The following CELF2 variants were observed in gnomAD, a reference collection of about 807,000 sequenced individuals.
The protein encoded by CELF2 is CUGBP Elav-like family member 2.
A neutral mutation model predicts 62.6 loss-of-function variants in CELF2; 8 were observed. The ratio of observed to expected loss-of-function variants is 0.13; its 90% CI spans 0.07 to 0.23. The LOEUF (loss-of-function observed/expected upper bound fraction) is 0.23. Among genes scored for constraint, CELF2 ranks in the 10% least tolerant of loss-of-function variants. CELF2 has a pLI of 1.00. For missense variants in CELF2, 333 were observed against 671.0 expected (o/e 0.50, Z 5.56); for synonymous variants, 258 against 250.0 (o/e 1.03, Z -0.30).
upstream of CELF2, among the ~76,000 whole-genome samples, chr10:11,015,891 C>A (rs535535933): frequency 6.6e-6 from 1 of 152,094 alleles, no homozygotes; most frequent in Non-Finnish European, 1.5e-5. The surrounding 1 kb of genome is among the most constrained non-coding windows in gnomAD (Gnocchi z 4.8). Flanking sequence ...ATTTCAGAAG[C>A]GTACATGTTA....
At position 11,012,429 on chromosome 10, in the gene CELF2, G is replaced by A. The variant is rs908174440; in HGVS notation, c.53+6989G>A. On this transcript the variant is annotated intron_variant, in intron 1 of 12. Coordinates refer to the CELF2 transcript ENST00000416382. This position sits in a 1 kb window ranked among gnomAD's most constrained non-coding sequence, Gnocchi z 5.5. ...AAAAGGACAGACATTCAGGCACATG[G>A]GCTGTCATGCCCAGAGAGATTCCCT... 8.5e-5 allele frequency among the ~76,000 whole-genome samples: 13 copies of A among 152,124 alleles called. No individual in the cohort carries two copies. Among genetic ancestry groups the A allele is most frequent in the African/African-American group, 2.7e-4 (11 of 41,422 alleles).
At position 11,217,008 on chromosome 10, in the gene CELF2, C is replaced by T. The variant is rs754519731; in HGVS notation, c.272-417C>T. Among the ~76,000 whole-genome samples, 1 of 152,208 alleles carries T rather than the reference C, an allele frequency of 6.6e-6. No individual in the cohort carries two copies. Among genetic ancestry groups the T allele is most frequent in the Non-Finnish European group, 1.5e-5 (1 of 68,036 alleles). Reference sequence around the variant, plus strand: ...GTCTGAAGCTTTGAGTTTAGAAAGTCTTTCAAAAACCTGACGTTCTGGAGA... The same window carrying T: ...GTCTGAAGCTTTGAGTTTAGAAAGTTTTTCAAAAACCTGACGTTCTGGAGA... On this transcript the variant is annotated intron_variant, in intron 2 of 12. Coordinates refer to ENST00000633077, the MANE Select transcript of CELF2 (RefSeq NM_001326342.2). This position sits in a 1 kb window ranked among gnomAD's most constrained non-coding sequence, Gnocchi z 5.6.
At chr10:10,787,795 T>C in the CELF2 span, among the ~76,000 whole-genome samples, 1 of 152,164 alleles carries the variant, frequency 6.6e-6, no homozygotes, top group African/African-American at 2.4e-5. Context: ...TATTCCCCTT[T>C]CTTTTTTTAA....
the CELF2 span, among the ~76,000 whole-genome samples, chr10:10,575,986 A>C: frequency 6.6e-6 from 1 of 152,240 alleles, no homozygotes; most frequent in Non-Finnish European, 1.5e-5. Context: ...AAATCAAATC[A>C]AAGTAGACAT....
chr10:11,045,778 C>T (rs755854670), intron 1 of CELF2, among the ~76,000 whole-genome samples: 19 of 152,102 alleles, frequency 1.2e-4, no homozygotes, highest in Non-Finnish European at 2.1e-4. Context: ...TACTGCTGAA[C>T]GCAATATAAC....
rs1202427243 is a variant in CELF2 at position 11,302,688 on chromosome 10, G to GTA, written c.977-11448_977-11447dup. Among the ~76,000 whole-genome samples, 5 of 152,188 alleles carry GTA rather than the reference G, an allele frequency of 3.3e-5. No individual in the cohort carries two copies. Among genetic ancestry groups the GTA allele is most frequent in the South Asian group, 4.1e-4 (2 of 4,826 alleles). On this transcript the variant is annotated intron_variant, in intron 9 of 12. Coordinates refer to ENST00000633077, the MANE Select transcript of CELF2 (RefSeq NM_001326342.2). The surrounding 1 kb of genome is among the most constrained non-coding windows in gnomAD (Gnocchi z 5.0). ...GTGTACTTGGTGTGGCAGCTGCTGT[G>GTA]TATAGGTTTCCCCGGGAGAGAAAGT...
At chr10:10,873,619 A>G (rs2060899238) in intron 1 of CELF2, among the ~76,000 whole-genome samples, 1 of 152,228 alleles carries the variant, frequency 6.6e-6, no homozygotes, top group Non-Finnish European at 1.5e-5. Context: ...TTGGGGCTGC[A>G]TGAAGGGTGG....
At position 11,172,095 on chromosome 10, in the gene CELF2, G is replaced by A. The variant is rs147068491; in HGVS notation, c.271+6413G>A. Among the ~76,000 whole-genome samples the A allele has an allele frequency of 4.7e-3, 716 of 152,358 alleles. 7 individuals are homozygous for A. The highest frequency in any genetic ancestry group is 0.014 in the African/African-American group (562 of 41,576). The stretch of plus-strand genomic sequence containing the variant: ...CACTACATTTTAACGCATGCAAGTA[G>A]GGAATGGGATTTCTGTCCTACATTT... On this transcript the variant is annotated intron_variant, in intron 2 of 12. Transcript: ENST00000633077.
intron 2 of CELF2, among the ~76,000 whole-genome samples, chr10:11,196,400 A>G (rs1197052284): frequency 3.9e-5 from 6 of 152,238 alleles, no homozygotes. Context: ...GGTGACTCAC[A>G]CCTGTAATCC....
chr10:11,299,568 G>C (rs2093519897), intron 9 of CELF2, among the ~76,000 whole-genome samples: 1 of 152,170 alleles, frequency 6.6e-6, no homozygotes, highest in African/African-American at 2.4e-5. Flanking sequence ...AGAGGCCCGA[G>C]CCCGGTCCCA....
the CELF2 span, among the ~76,000 whole-genome samples, chr10:10,649,409 T>C: frequency 9.4e-4 from 143 of 152,302 alleles, 1 homozygote; most frequent in African/African-American, 3.4e-3. Context: ...CATACTCAGA[T>C]CAGTATTACA....
the CELF2 span, among the ~76,000 whole-genome samples, chr10:10,595,091 T>C: frequency 6.6e-6 from 1 of 152,202 alleles, no homozygotes; most frequent in African/African-American, 2.4e-5. Context: ...GACACACTAG[T>C]GTACAGGGCA....
intron 1 of CELF2, among the ~76,000 whole-genome samples, chr10:10,818,011 G>A (rs1885827): frequency 0.7 from 106,559 of 152,008 alleles, 37,531 homozygotes; most frequent in East Asian, 0.79. Flanking sequence ...CCTAGCACAT[G>A]GTACTCACCC....
At position 11,316,110 on chromosome 10, in the gene CELF2, G is replaced by C. The variant is rs2094956183; in HGVS notation, c.1096+1852G>C. The stretch of plus-strand genomic sequence containing the variant: ...TGGAGAGGGGCTGTGTTGAATGGCA[G>C]AGAAACCATGAGTAGTTCTTGTGTG... On this transcript the variant is annotated intron_variant, in intron 10 of 12. Coordinates refer to ENST00000633077, the MANE Select transcript of CELF2 (RefSeq NM_001326342.2). The surrounding 1 kb of genome is among the most constrained non-coding windows in gnomAD (Gnocchi z 4.4). Among the ~76,000 whole-genome samples the C allele has an allele frequency of 6.6e-6, 1 of 152,246 alleles. No individual in the cohort carries two copies. Among genetic ancestry groups the C allele is most frequent in the Non-Finnish European group, 1.5e-5 (1 of 68,048 alleles).
chr10:11,054,447 C>CATCATAAT (rs915987518), intron 1 of CELF2, among the ~76,000 whole-genome samples: 11 of 150,898 alleles, frequency 7.3e-5, no homozygotes, highest in Non-Finnish European at 1.5e-4. Context: ...CATCAGTTTT[C>CATCATAAT]ATCATAATTT....
intron 1 of CELF2, among the ~76,000 whole-genome samples, chr10:10,898,609 A>G (rs1310041590): frequency 2.6e-5 from 4 of 152,208 alleles, no homozygotes; most frequent in Non-Finnish European, 4.4e-5. Flanking sequence ...AAATAATAAC[A>G]TATTTTCAAA....
rs144167447 is a variant in CELF2 at position 11,316,306 on chromosome 10, A to G, written c.1096+2048A>G. On this transcript the variant is annotated intron_variant, in intron 10 of 12. Transcript: ENST00000633077. This position sits in a 1 kb window ranked among gnomAD's most constrained non-coding sequence, Gnocchi z 4.4. The stretch of plus-strand genomic sequence containing the variant: ...CCTGCTAGATAGTATGAACCAAGAA[A>G]ATATTTAATTAAACCCAAAACCAGA... Among the ~76,000 whole-genome samples, 1 of 152,390 alleles carries G rather than the reference A, an allele frequency of 6.6e-6. No individual in the cohort carries two copies. The highest frequency in any genetic ancestry group is 2.4e-5 in the African/African-American group (1 of 41,596).
At chr10:10,901,885 A>G (rs535747812) in intron 1 of CELF2, among the ~76,000 whole-genome samples, 1 of 152,226 alleles carries the variant, frequency 6.6e-6, no homozygotes, top group African/African-American at 2.4e-5. Context: ...AACAATAAGA[A>G]AAGAAGCAAC....
chr10:10,907,536 G>A (rs889633102), intron 1 of CELF2, among the ~76,000 whole-genome samples: 2 of 152,134 alleles, frequency 1.3e-5, no homozygotes, highest in Non-Finnish European at 2.9e-5. Context: ...AGAAATCCTG[G>A]CATGCAGACA....
Sources: allele counts gnomAD v4.1 joint callset (sites outside exome capture counted in the v4.1 genomes callset), GRCh38; gene constraint gnomAD v4.1.1; non-coding constraint Gnocchi (gnomAD v3.1); transcripts MANE v1.5; gene names NCBI Gene and HGNC (gene_info 2026-07-23, HGNC 2026-07-21).